LRRC4C: variants seen among roughly 807,000 people sequenced by gnomAD.
The protein encoded by LRRC4C is leucine-rich repeat-containing protein 4C.
A neutral mutation model predicts 33.6 loss-of-function variants in LRRC4C; 5 were observed. That is an observed-to-expected ratio of 0.15 (90% CI 0.08 to 0.31). LRRC4C has a LOEUF of 0.31. LRRC4C is among the 10% of genes least tolerant of loss of function. The probability of loss-of-function intolerance (pLI) is 1.00; values close to 1 mark genes in which losing one functional copy is unlikely to be tolerated. For missense variants in LRRC4C, 560 were observed against 796.7 expected, an observed-to-expected ratio of 0.70 and a Z score of 3.58; for synonymous variants, 329 against 302.0, an observed-to-expected ratio of 1.09 and a Z score of -0.93.
intron 1 of LRRC4C, among the ~76,000 whole-genome samples, chr11:41,102,696 G>T (rs1941263728): frequency 6.6e-6 from 1 of 152,030 alleles, no homozygotes; most frequent in African/African-American, 2.4e-5. Flanking sequence ...CACATTTTTA[G>T]ATTGCATACA....
At chr11:40,616,534 G>C (rs1961850355) in intron 3 of LRRC4C, among the ~76,000 whole-genome samples, 1 of 151,676 alleles carries the variant, frequency 6.6e-6, no homozygotes, top group Non-Finnish European at 1.5e-5. Context: ...TGATAGACTG[G>C]ATTAAGAAAA....
intron 2 of LRRC4C, among the ~76,000 whole-genome samples, chr11:40,814,079 G>A (rs1177651646): frequency 6.6e-6 from 1 of 152,096 alleles, no homozygotes; most frequent in African/African-American, 2.4e-5. Flanking sequence ...GGTTCCACTA[G>A]GCAGTTTCTC....
chr11:40,517,655 C>T (rs1215560551), intron 3 of LRRC4C, among the ~76,000 whole-genome samples: 3 of 151,802 alleles, frequency 2.0e-5, no homozygotes, highest in East Asian at 1.9e-4. Context: ...GAATCAACAT[C>T]GTGAAAATGG....
intron 1 of LRRC4C, among the ~76,000 whole-genome samples, chr11:41,445,404 G>GC (rs903120728): frequency 5.3e-5 from 8 of 152,040 alleles, no homozygotes; most frequent in Admixed American, 1.3e-4. Flanking sequence ...CAACCTGAAT[G>GC]CCCCCCCACC....
At chr11:40,606,448 T>C (rs1960597636) in intron 3 of LRRC4C, among the ~76,000 whole-genome samples, 1 of 151,972 alleles carries the variant, frequency 6.6e-6, no homozygotes, top group South Asian at 2.1e-4. Context: ...CAAAGCTAAT[T>C]TATAAACACT....
intron 1 of LRRC4C, among the ~76,000 whole-genome samples, chr11:41,212,716 G>T (rs150515046): frequency 6.6e-6 from 1 of 152,044 alleles, no homozygotes; most frequent in Non-Finnish European, 1.5e-5. Flanking sequence ...TCCATTTATC[G>T]AAGCTCCACT....
rs531790059 is a variant in LRRC4C at position 40,859,852 on chromosome 11, G to A, written c.-407+73783C>T. Among the ~76,000 whole-genome samples, 90 of 152,148 alleles carry A rather than the reference G, an allele frequency of 5.9e-4. 1 individual carries two copies. The highest frequency in any genetic ancestry group is 2.1e-3 in the African/African-American group (87 of 41,524). On this transcript the variant is annotated intron_variant, in intron 2 of 6. Coordinates refer to ENST00000528697, the MANE Select transcript of LRRC4C (RefSeq NM_001258419.2). Reference sequence around the variant, plus strand: ...AGCACTTTGGGAGGCCGAGGCGGGCGGATCGCGAGGTCAGGAGATCGAGAC... The same window carrying A: ...AGCACTTTGGGAGGCCGAGGCGGGCAGATCGCGAGGTCAGGAGATCGAGAC...
At chr11:40,419,239 G>A (rs190899917) in intron 3 of LRRC4C, among the ~76,000 whole-genome samples, 1 of 152,190 alleles carries the variant, frequency 6.6e-6, no homozygotes, top group East Asian at 1.9e-4. Flanking sequence ...TTAGAAAAAG[G>A]GATTGGTGCA....
chr11:41,344,221 C>T (rs181503358), intron 1 of LRRC4C, among the ~76,000 whole-genome samples: 1 of 144,334 alleles, frequency 6.9e-6, no homozygotes, highest in African/African-American at 2.5e-5. Context: ...CTCTGTGAAG[C>T]CTTTCTTTTT....
chr11:40,218,630 G>T (rs77857445), intron 5 of LRRC4C, among the ~76,000 whole-genome samples: 2 of 139,862 alleles, frequency 1.4e-5, no homozygotes, highest in South Asian at 2.2e-4. Context: ...ATGTATGTAT[G>T]TATGTATCTA....
At chr11:40,127,220 C>T (rs939899676) in intron 6 of LRRC4C, among the ~76,000 whole-genome samples, 5 of 151,858 alleles carry the variant, frequency 3.3e-5, no homozygotes, top group Non-Finnish European at 7.4e-5. Context: ...AGGTTACAGT[C>T]AGCCAAGATT....
At position 41,269,781 on chromosome 11, in the gene LRRC4C, G is replaced by A. The variant is rs142693559; in HGVS notation, c.-496+189650C>T. Among the ~76,000 whole-genome samples, 20 of 152,164 alleles carry A rather than the reference G, an allele frequency of 1.3e-4. No individual in the cohort carries two copies. The East Asian group carries it at 3.7e-3, about 28-fold the overall frequency. On this transcript the variant is annotated intron_variant, in intron 1 of 6. Transcript: ENST00000528697. ...GCATACAGGTTTCTAAATGTCTTCAGCATCAGTCTCTGTAACCAACTATTG... is the reference window on the plus strand; with the variant it reads ...GCATACAGGTTTCTAAATGTCTTCAACATCAGTCTCTGTAACCAACTATTG...
At chr11:41,454,749 C>T (rs1264654400) in intron 1 of LRRC4C, among the ~76,000 whole-genome samples, 2 of 152,106 alleles carry the variant, frequency 1.3e-5, no homozygotes, top group Non-Finnish European at 2.9e-5. Flanking sequence ...AGAAATACAG[C>T]TTTCAGAATA....
Position 40,930,878 on chromosome 11 carries a change from C to T in LRRC4C, c.-407+2757G>A, listed in dbSNP as rs1435015072. Among the ~76,000 whole-genome samples, 3 of 152,164 alleles carry T rather than the reference C, an allele frequency of 2.0e-5. No homozygotes were observed. The East Asian group carries it at 5.8e-4, about 29-fold the overall frequency. On this transcript the variant is annotated intron_variant, in intron 2 of 6. Coordinates refer to ENST00000528697, the MANE Select transcript of LRRC4C (RefSeq NM_001258419.2). Reference sequence around the variant, plus strand: ...AATTATTTATGTTTATGTGAAGTCACAACTAATGGAAAAACAGAAAAGTTA... The same window carrying T: ...AATTATTTATGTTTATGTGAAGTCATAACTAATGGAAAAACAGAAAAGTTA...
intron 1 of LRRC4C, among the ~76,000 whole-genome samples, chr11:40,956,575 T>A (rs1230043513): frequency 6.6e-6 from 1 of 151,734 alleles, no homozygotes; most frequent in Non-Finnish European, 1.5e-5. Flanking sequence ...CCCATGGAGT[T>A]TTGGTGAGAA....
chr11:40,984,332 A>G (rs1382022987), intron 1 of LRRC4C, among the ~76,000 whole-genome samples: 5 of 148,796 alleles, frequency 3.4e-5, no homozygotes, highest in African/African-American at 9.8e-5. Flanking sequence ...AAAAGAAAGA[A>G]AGAAAGAAAG....
intron 3 of LRRC4C, among the ~76,000 whole-genome samples, chr11:40,619,787 A>G (rs1343549176): frequency 6.6e-6 from 1 of 151,080 alleles, no homozygotes; most frequent in Non-Finnish European, 1.5e-5. Flanking sequence ...ACATCCCACG[A>G]TAATTCAGTA....
At chr11:40,677,128 G>C (rs1446802247) in intron 2 of LRRC4C, among the ~76,000 whole-genome samples, 1 of 152,088 alleles carries the variant, frequency 6.6e-6, no homozygotes, top group Non-Finnish European at 1.5e-5. Flanking sequence ...GCTCATGCCT[G>C]TAATCATAGC....
chr11:40,139,365 G>A (rs1590489866), intron 6 of LRRC4C, among the ~76,000 whole-genome samples: 1 of 152,176 alleles, frequency 6.6e-6, no homozygotes, highest in African/African-American at 2.4e-5. Flanking sequence ...GATGAAACAT[G>A]AGACTGTTAG....
Sources: gnomAD v4.1 joint callset for allele counts (sites outside exome capture counted in the v4.1 genomes callset) on GRCh38, gnomAD v4.1.1 for gene constraint, MANE v1.5 for transcripts, NCBI Gene and HGNC (gene_info 2026-07-23, HGNC 2026-07-21) for gene names.